Variants in MEIS1 observed in about 807,000 individuals in gnomAD.
MEIS1 encodes the protein homeobox protein Meis1.
In MEIS1, 5 loss-of-function variants were observed where a neutral mutation model predicts 50.8. The observed-to-expected ratio is 0.10, with a 90% CI of 0.05 to 0.21. MEIS1 has a LOEUF of 0.21. Ranked by LOEUF, MEIS1 falls within the 10% of genes least tolerant of loss-of-function variation. The pLI, the probability that MEIS1 is intolerant of heterozygous loss-of-function variation, is 1.00. For missense variants in MEIS1, 318 were observed against 517.3 expected (o/e 0.61, Z 3.74); for synonymous variants, 176 against 179.3 (o/e 0.98, Z 0.15).
At chr2:66,517,261 C>T (rs1227343976) in intron 8 of MEIS1, among the ~76,000 whole-genome samples, 1 of 152,188 alleles carries the variant, frequency 6.6e-6, no homozygotes, top group Admixed American at 6.5e-5. Flanking sequence ...CTTCTTCAAA[C>T]TAGTCCTAAT....
chr2:66,487,960 A>G (rs1673181814), intron 7 of MEIS1, among the ~76,000 whole-genome samples: 1 of 152,246 alleles, frequency 6.6e-6, no homozygotes, highest in African/African-American at 2.4e-5. Flanking sequence ...ACTTAGCGTC[A>G]GTAATAGCCA....
chr2:66,437,937 A>G lies in MEIS1; in HGVS notation c.213A>G (p.Leu71=). 1.3e-6 allele frequency: 2 copies of G among 1,582,724 alleles called. No individual in the cohort carries two copies. Among genetic ancestry groups the G allele is most frequent in the African/African-American group, 1.3e-5 (1 of 74,268 alleles). ...TGGGCTCCTCTGTCAATGACGCTTT[A>G]AAGAGAGATAAAGATGCCATTTATG... is the stretch of plus-strand genomic sequence containing the variant. ...PSMGSSVNDA[L]KRDKDAIYGH... The change falls in exon 2 of 13, where the codon TTA becomes TTG. Residue 71 remains leucine (L), a synonymous_variant. Coordinates refer to ENST00000272369, the MANE Select transcript of MEIS1 (RefSeq NM_002398.3).
At chr2:66,553,924 A>G (rs2103944152) in intron 9 of MEIS1, among the ~76,000 whole-genome samples, 1 of 152,310 alleles carries the variant, frequency 6.6e-6, no homozygotes, top group Non-Finnish European at 1.5e-5. Context: ...TGGGGCCCTA[A>G]GTCTAGGTGA....
At chr2:66,510,237 G>T (rs1000100562) in intron 7 of MEIS1, among the ~76,000 whole-genome samples, 5 of 152,146 alleles carry the variant, frequency 3.3e-5, no homozygotes, top group African/African-American at 1.2e-4. Context: ...GACTTTCAAA[G>T]AATTTATTAG....
chr2:66,530,098 G>C (rs1374662322), intron 8 of MEIS1, among the ~76,000 whole-genome samples: 3 of 151,544 alleles, frequency 2.0e-5, no homozygotes, highest in Non-Finnish European at 4.4e-5. Context: ...CAGGCTGGAG[G>C]CAAAGTTAAC....
chr2:66,440,072 CA>C, intron 3 of MEIS1, 88 bp downstream of exon 3: 2 of 1,044,530 alleles, frequency 1.9e-6, no homozygotes, highest in East Asian at 2.7e-5. Flanking sequence ...CGCGCGAACA[CA>C]CACACACACA....
intron 7 of MEIS1, among the ~76,000 whole-genome samples, chr2:66,466,984 A>G (rs1672653819): frequency 1.3e-5 from 2 of 152,080 alleles, no homozygotes; most frequent in Admixed American, 1.3e-4. Context: ...GAAAGAAAAG[A>G]AAACAAAAAA....
chr2:66,439,467 T>C, intron 2 of MEIS1: 1 of 1,370,578 alleles, frequency 7.3e-7, no homozygotes, highest in African/African-American at 1.5e-5. Flanking sequence ...CCCGGCGCCT[T>C]TCTCCTCCAC....
intron 8 of MEIS1, among the ~76,000 whole-genome samples, chr2:66,539,878 A>T (rs1558556606): frequency 1.3e-5 from 2 of 152,180 alleles, no homozygotes; most frequent in African/African-American, 4.8e-5. Flanking sequence ...ATATTCAGGT[A>T]GGAGTGGAGG....
intron 7 of MEIS1, among the ~76,000 whole-genome samples, chr2:66,498,918 C>T (rs970822518): frequency 3.3e-5 from 5 of 152,198 alleles, no homozygotes; most frequent in Non-Finnish European, 5.9e-5. Flanking sequence ...CCAGCTGTTT[C>T]GTATGCACAT....
intron 6 of MEIS1, among the ~76,000 whole-genome samples, chr2:66,458,681 A>G (rs915885840): frequency 6.6e-6 from 1 of 152,206 alleles, no homozygotes; most frequent in African/African-American, 2.4e-5. Context: ...GGCCCAATCA[A>G]GTTTCCAACA....
At chr2:66,511,368 T>C (rs1038234559) in intron 7 of MEIS1, among the ~76,000 whole-genome samples, 23 of 151,988 alleles carry the variant, frequency 1.5e-4, no homozygotes, top group African/African-American at 5.5e-4. Flanking sequence ...AATAGAAAAA[T>C]AGGATCCAAT....
At chr2:66,479,824 C>G (rs1672976365) in intron 7 of MEIS1, among the ~76,000 whole-genome samples, 1 of 152,136 alleles carries the variant, frequency 6.6e-6, no homozygotes, top group Non-Finnish European at 1.5e-5. Flanking sequence ...TGAAGGATTC[C>G]CCATTTCTTG....
chr2:66,551,529 G>A (rs755154553), intron 9 of MEIS1, among the ~76,000 whole-genome samples: 3 of 152,114 alleles, frequency 2.0e-5, no homozygotes, highest in Non-Finnish European at 2.9e-5. Context: ...AGGATGGAAT[G>A]TGAAATTTAT....
intron 7 of MEIS1, among the ~76,000 whole-genome samples, chr2:66,481,682 T>A (rs1292919035): frequency 6.6e-6 from 1 of 152,110 alleles, no homozygotes. Flanking sequence ...TATTTTCATG[T>A]GCAGTTGGAT....
intron 8 of MEIS1, among the ~76,000 whole-genome samples, chr2:66,529,071 C>T (rs1466245591): frequency 6.6e-6 from 1 of 152,120 alleles, no homozygotes; most frequent in East Asian, 1.9e-4. Context: ...CCACATCCTT[C>T]ACATCTTAGT....
intron 8 of MEIS1, among the ~76,000 whole-genome samples, chr2:66,538,081 T>C (rs572667128): frequency 6.6e-6 from 1 of 152,292 alleles, no homozygotes; most frequent in East Asian, 1.9e-4. Flanking sequence ...TTTTGTTGCA[T>C]TGAAGTTAGA....
intron 7 of MEIS1, among the ~76,000 whole-genome samples, chr2:66,510,233 C>A (rs1673792697): frequency 6.6e-6 from 1 of 152,118 alleles, no homozygotes; most frequent in Non-Finnish European, 1.5e-5. Flanking sequence ...ACTGGACTTT[C>A]AAAGAATTTA....
chr2:66,509,928 T>A (rs1673783100), intron 7 of MEIS1, among the ~76,000 whole-genome samples: 1 of 152,242 alleles, frequency 6.6e-6, no homozygotes, highest in South Asian at 2.1e-4. Flanking sequence ...CACTATGCAT[T>A]GCTTGCTAAA....
Sources: allele counts gnomAD v4.1 joint callset (sites outside exome capture counted in the v4.1 genomes callset), GRCh38; gene constraint gnomAD v4.1.1; transcripts MANE v1.5; gene names NCBI Gene and HGNC (gene_info 2026-07-23, HGNC 2026-07-21).